The following BICRA variants were observed in gnomAD, a reference collection of about 807,000 sequenced individuals.
BICRA encodes the protein BRD4-interacting chromatin-remodeling complex-associated protein.
BICRA carries 31 observed loss-of-function variants against 96.9 expected under a neutral mutation model. That is an observed-to-expected ratio of 0.32 (90% CI 0.24 to 0.43). The LOEUF (loss-of-function observed/expected upper bound fraction) is 0.43, where lower values mean the gene tolerates loss of function less well. BICRA is among the 20% of genes least tolerant of loss of function. The probability of loss-of-function intolerance (pLI) is 1.00; values close to 1 mark genes in which losing one functional copy is unlikely to be tolerated. For missense variants in BICRA, 2,283 were observed against 2,190.3 expected (o/e 1.04, Z -0.84); for synonymous variants, 1,350 against 1,071.8 (o/e 1.26, Z -5.07).
At chr19:47,677,941 T>A (rs549163708) in intron 5 of BICRA, among the ~76,000 whole-genome samples, 7 of 152,290 alleles carry the variant, frequency 4.6e-5, no homozygotes, top group African/African-American at 1.7e-4. Flanking sequence ...GGATGTCACA[T>A]CATGTGGATA....
At position 47,681,391 on chromosome 19, in the gene BICRA, G is replaced by A. The variant is rs1973056945; in HGVS notation, c.2106+115G>A. ...TGGATGCCACTGTGGCAGCTGGGGG[G>A]GGAAGGTCTCAGTCATGGCACAGGT... On this transcript the variant is annotated intron_variant, in intron 6 of 14. Transcript: ENST00000594866. The A allele has an allele frequency of 4.7e-5, 44 of 935,434 alleles. No individual in the cohort carries two copies. In the South Asian group the frequency reaches 5.5e-4, roughly 12 times the overall value. 57.9% of individuals were successfully genotyped at this position (935,434 alleles called of 1,614,324 possible). A position where few individuals can be genotyped will look rare whatever the true frequency, so the allele number is the denominator to read the frequency against.
intron 1 of BICRA, among the ~76,000 whole-genome samples, chr19:47,622,550 C>G (rs1004319549): frequency 3.3e-5 from 5 of 149,734 alleles, no homozygotes; most frequent in Non-Finnish European, 1.5e-5. Flanking sequence ...CGGTGAAACC[C>G]TGTCTCTACT....
chr19:47,653,925 C>T (rs1251943320), intron 1 of BICRA, among the ~76,000 whole-genome samples: 2 of 151,932 alleles, frequency 1.3e-5, no homozygotes, highest in Non-Finnish European at 2.9e-5. Context: ...CTGTGCCTCC[C>T]AGGTTCAAGT....
intron 1 of BICRA, among the ~76,000 whole-genome samples, chr19:47,637,035 C>T (rs542501245): frequency 1.3e-5 from 2 of 152,118 alleles, no homozygotes; most frequent in Non-Finnish European, 2.9e-5. Flanking sequence ...TTGCAACTCC[C>T]TTGCGCGTCT....
intron 1 of BICRA, among the ~76,000 whole-genome samples, chr19:47,632,543 C>T (rs1007557474): frequency 5.9e-5 from 9 of 152,220 alleles, no homozygotes; most frequent in East Asian, 3.8e-4. Flanking sequence ...ATGGTCCCAC[C>T]GCAGGGAGCG....
At chr19:47,676,184 G>A (rs139208528) in intron 5 of BICRA, among the ~76,000 whole-genome samples, 2 of 152,228 alleles carry the variant, frequency 1.3e-5, no homozygotes, top group Non-Finnish European at 2.9e-5. Flanking sequence ...AGGCCTTGGG[G>A]CCCTGGGGTG....
chr19:47,623,064 C>G (rs982730484), intron 1 of BICRA, among the ~76,000 whole-genome samples: 2 of 151,382 alleles, frequency 1.3e-5, no homozygotes, highest in Non-Finnish European at 2.9e-5. Flanking sequence ...TGTGTGTGTA[C>G]TCTCATATAT....
intron 1 of BICRA, among the ~76,000 whole-genome samples, chr19:47,666,021 C>T (rs1006489748): frequency 6.6e-6 from 1 of 152,234 alleles, no homozygotes; most frequent in African/African-American, 2.4e-5. Context: ...AAAATGATCA[C>T]AACTAGCGTA....
chr19:47,623,457 C>T (rs895053362), intron 1 of BICRA, among the ~76,000 whole-genome samples: 13 of 152,304 alleles, frequency 8.5e-5, no homozygotes, highest in Admixed American at 7.2e-4. Flanking sequence ...AAAATGACTT[C>T]CCAAGGTCAC....
intron 1 of BICRA, among the ~76,000 whole-genome samples, chr19:47,659,441 C>A (rs10853791): frequency 2.6e-5 from 4 of 151,770 alleles, no homozygotes; most frequent in Admixed American, 1.3e-4. Context: ...TATCCAGGGC[C>A]CAGCCAGCTC....
chr19:47,695,207 G>C, intron 9 of BICRA, 127 bp downstream of exon 9: 2 of 813,542 alleles, frequency 2.5e-6, no homozygotes, highest in Non-Finnish European at 3.9e-6. Context: ...AGAACTCAAG[G>C]GACACAGGAA....
chr19:47,632,184 C>A (rs552619557), intron 1 of BICRA, among the ~76,000 whole-genome samples: 65 of 152,198 alleles, frequency 4.3e-4, no homozygotes, highest in Non-Finnish European at 7.5e-4. Context: ...TTCCACCGGC[C>A]AGATTCCTGG....
rs1972934106 is a variant in BICRA, at chr19:47,675,949, C to T, written c.150+33C>T. Reference sequence around the variant, plus strand: ...CCGTGGCTCCCGATCATTGCCTGAGCTGTTGGGGCTGCCAGCGGGAGGAGG... The same window carrying T: ...CCGTGGCTCCCGATCATTGCCTGAGTTGTTGGGGCTGCCAGCGGGAGGAGG... On this transcript the variant is annotated intron_variant, in intron 5 of 14. Transcript: ENST00000594866. The surrounding 1 kb of genome is among the most constrained non-coding windows in gnomAD (Gnocchi z 4.7). The T allele has an allele frequency of 2.0e-6, 3 of 1,484,240 alleles. No homozygotes were observed. The highest frequency in any genetic ancestry group is 1.9e-5 in the Admixed American group (1 of 53,380). 91.9% of individuals were successfully genotyped at this position (1,484,240 alleles called of 1,614,324 possible).
In BICRA at chr19:47,680,767, C is replaced by T. The variant is rs945429331; in HGVS notation, c.1597C>T (p.His533Tyr). 8.1e-6 allele frequency: 13 copies of T among 1,609,922 alleles called. No individual in the cohort carries two copies. The highest frequency in any genetic ancestry group is 5.9e-6 in the Non-Finnish European group (7 of 1,178,838). The change falls in exon 6 of 15, where the codon CAC becomes TAC. Residue 533 changes from histidine to tyrosine, a missense_variant. By Grantham distance (83) the His-to-Tyr change is moderately conservative. Coordinates refer to ENST00000594866, the MANE Select transcript of BICRA (RefSeq NM_001394372.1). Reference sequence around the variant, plus strand: ...GAGCCTGGGCCCCGTGTTGGCCCCCCACTCCGGGGCCCACAGCGCGCACAT... The same window carrying T: ...GAGCCTGGGCCCCGTGTTGGCCCCCTACTCCGGGGCCCACAGCGCGCACAT... ...PLSLGPVLAP[H>Y]SGAHSAHILS...
chr19:47,623,623 G>A (rs1301602309), intron 1 of BICRA, among the ~76,000 whole-genome samples: 1 of 152,140 alleles, frequency 6.6e-6, no homozygotes, highest in Non-Finnish European at 1.5e-5. Flanking sequence ...GATGAGGCAG[G>A]AACACACCCA....
intron 1 of BICRA, among the ~76,000 whole-genome samples, chr19:47,651,065 G>T (rs1024574374): frequency 1.3e-5 from 2 of 151,868 alleles, no homozygotes; most frequent in Admixed American, 6.6e-5. Flanking sequence ...TGTCCCCTCC[G>T]CTGTCACCAT....
At chr19:47,620,125 C>T (rs1021983445) in intron 1 of BICRA, among the ~76,000 whole-genome samples, 4 of 152,198 alleles carry the variant, frequency 2.6e-5, no homozygotes, top group East Asian at 1.9e-4. Context: ...GTGTGTGTAT[C>T]GGGAGTGTCT....
chr19:47,656,985 C>A (rs1368120891), intron 1 of BICRA, among the ~76,000 whole-genome samples: 3 of 152,054 alleles, frequency 2.0e-5, no homozygotes, highest in African/African-American at 7.2e-5. Context: ...CCTCAGCCTC[C>A]CGAGTAGCTG....
chr19:47,681,125 C>A lies in BICRA; in HGVS notation c.1955C>A (p.Thr652Asn). Reference protein sequence around the residue: ...PQAQQPPQAPTPQAAAPPQAT... With the variant: ...PQAQQPPQAPNPQAAAPPQAT... ...GCGCAGCAGCCCCCGCAGGCCCCCACCCCACAGGCCGCCGCCCCGCCTCAG... is the reference window on the plus strand; with the variant it reads ...GCGCAGCAGCCCCCGCAGGCCCCCAACCCACAGGCCGCCGCCCCGCCTCAG... Residue 652 changes from threonine to asparagine, a missense_variant, in exon 6 of 15, where the codon ACC becomes AAC. Thr to Asn is a moderately conservative substitution (Grantham distance 65). Transcript: ENST00000594866. 1 of 1,492,758 alleles carries A rather than the reference C, an allele frequency of 6.7e-7. No individual in the cohort carries two copies. Among genetic ancestry groups the A allele is most frequent in the Non-Finnish European group, 9.0e-7 (1 of 1,114,886 alleles). The allele number at this position is 1,492,758 out of a possible 1,614,324, so 92.5% of individuals were successfully genotyped here. A position where few individuals can be genotyped will look rare whatever the true frequency, so the allele number is the denominator to read the frequency against.
Sources: allele counts gnomAD v4.1 joint callset (sites outside exome capture counted in the v4.1 genomes callset), GRCh38; gene constraint gnomAD v4.1.1; non-coding constraint Gnocchi (gnomAD v3.1); transcripts MANE v1.5; gene names NCBI Gene and HGNC (gene_info 2026-07-23, HGNC 2026-07-21).